RABGAP1L: variants seen among roughly 807,000 people sequenced by gnomAD.
RABGAP1L encodes rab GTPase-activating protein 1-like.
In RABGAP1L, 63 loss-of-function variants were observed where a neutral mutation model predicts 137.7. The ratio of observed to expected loss-of-function variants is 0.46; its 90% CI spans 0.37 to 0.56. The LOEUF is 0.56. RABGAP1L is among the 20% of genes least tolerant of loss of function. The pLI is 0.00. For synonymous variants in RABGAP1L, 431 were observed against 433.7 expected (o/e 0.99, Z 0.08); for missense variants, 1,095 against 1,244.0 (o/e 0.88, Z 1.80).
intron 13 of RABGAP1L, among the ~76,000 whole-genome samples, chr1:174,621,369 G>A (rs1262938117): frequency 2.0e-5 from 3 of 152,134 alleles, no homozygotes; most frequent in Admixed American, 2.0e-4. Flanking sequence ...AGTTCATATG[G>A]AACCAAAAAT....
At chr1:174,311,438 CT>C (rs1335043263) in intron 11 of RABGAP1L, among the ~76,000 whole-genome samples, 2 of 152,100 alleles carry the variant, frequency 1.3e-5, no homozygotes, top group African/African-American at 4.8e-5. Context: ...GATGCAAAGC[CT>C]AACCGTATCA....
At chr1:174,734,507 A>G (rs1682768936) in intron 17 of RABGAP1L, among the ~76,000 whole-genome samples, 1 of 152,198 alleles carries the variant, frequency 6.6e-6, no homozygotes, top group African/African-American at 2.4e-5. Context: ...GCAAGTTCTC[A>G]GGACAGCAAC....
intron 13 of RABGAP1L, among the ~76,000 whole-genome samples, chr1:174,399,479 TG>T (rs1648285440): frequency 6.6e-6 from 1 of 152,202 alleles, no homozygotes; most frequent in Non-Finnish European, 1.5e-5. Flanking sequence ...GGTTAGTTAA[TG>T]AAATGGTTCA....
intron 7 of RABGAP1L, among the ~76,000 whole-genome samples, chr1:174,267,992 A>G (rs919001900): frequency 6.6e-6 from 1 of 152,196 alleles, no homozygotes; most frequent in Non-Finnish European, 1.5e-5. Context: ...TCTTTTTAGT[A>G]AGGGAAATAA....
chr1:174,225,467 T>C (rs564033621), intron 3 of RABGAP1L, among the ~76,000 whole-genome samples: 1 of 151,746 alleles, frequency 6.6e-6, no homozygotes, highest in South Asian at 2.1e-4. Flanking sequence ...AGACTATTTC[T>C]TGTTAAAATC....
intron 13 of RABGAP1L, among the ~76,000 whole-genome samples, chr1:174,625,437 G>T (rs12067463): frequency 0.39 from 59,397 of 151,872 alleles, 14,647 homozygotes; most frequent in African/African-American, 0.7. Context: ...TAGTGTGTGT[G>T]TGTTTGTTTG....
chr1:174,733,069 T>C (rs1176028770), intron 17 of RABGAP1L, among the ~76,000 whole-genome samples: 2 of 152,052 alleles, frequency 1.3e-5, no homozygotes, highest in Non-Finnish European at 2.9e-5. Flanking sequence ...CTAAGTCATA[T>C]AGTTAGGAGG....
chr1:174,687,786 C>T (rs1439270398), intron 15 of RABGAP1L, among the ~76,000 whole-genome samples: 1 of 152,210 alleles, frequency 6.6e-6, no homozygotes, highest in Non-Finnish European at 1.5e-5. Context: ...CTTTTGGGTT[C>T]TGTCCTTTCC....
chr1:174,905,169 C>T (rs903435874), intron 19 of RABGAP1L, among the ~76,000 whole-genome samples: 1 of 152,130 alleles, frequency 6.6e-6, no homozygotes, highest in Admixed American at 6.6e-5. Context: ...CAAAACAAGC[C>T]AGACAGAAAA....
intron 13 of RABGAP1L, among the ~76,000 whole-genome samples, chr1:174,589,957 C>T (rs569965347): frequency 1.6e-4 from 25 of 152,136 alleles, no homozygotes; most frequent in Middle Eastern, 3.4e-3. Flanking sequence ...TTCATGGGTT[C>T]CATCAAAATT....
intron 13 of RABGAP1L, among the ~76,000 whole-genome samples, chr1:174,425,942 A>T (rs1240726631): frequency 6.6e-6 from 1 of 152,084 alleles, no homozygotes; most frequent in Non-Finnish European, 1.5e-5. Context: ...AGTTCAAAGG[A>T]TTTGAACTAT....
chr1:174,205,456 A>G (rs1476380811), intron 1 of RABGAP1L, among the ~76,000 whole-genome samples: 1 of 151,236 alleles, frequency 6.6e-6, no homozygotes, highest in Non-Finnish European at 1.5e-5. Context: ...TACTGATTCA[A>G]TTTTGGAGCT....
chr1:174,602,744 C>T (rs1670510968), intron 13 of RABGAP1L, among the ~76,000 whole-genome samples: 1 of 152,098 alleles, frequency 6.6e-6, no homozygotes, highest in African/African-American at 2.4e-5. Context: ...ATACATTCTT[C>T]AGTGTGTCCA....
Position 174,402,555 on chromosome 1 carries a change from G to A in RABGAP1L, c.1710+8410G>A, listed in dbSNP as rs1253424190. On this transcript the variant is annotated intron_variant, in intron 13 of 25. Coordinates refer to ENST00000681986, the MANE Select transcript of RABGAP1L (RefSeq NM_001366446.1). The stretch of plus-strand genomic sequence containing the variant: ...CTTGAGCCTTCAACCATTGTCTGTT[G>A]TTACATGATTCCTGCCACTGAGTTG... Among the ~76,000 whole-genome samples the A allele has an allele frequency of 2.0e-5, 3 of 152,146 alleles. No individual in the cohort carries two copies. In the East Asian group the frequency reaches 5.8e-4, roughly 29 times the overall value.
chr1:174,377,009 A>G (rs766905949), intron 12 of RABGAP1L, among the ~76,000 whole-genome samples: 1 of 152,206 alleles, frequency 6.6e-6, no homozygotes, highest in Non-Finnish European at 1.5e-5. Context: ...GAGTTTTACA[A>G]TGTTAAAAGA....
intron 11 of RABGAP1L, among the ~76,000 whole-genome samples, chr1:174,325,655 C>T (rs1184703401): frequency 6.6e-6 from 1 of 152,150 alleles, no homozygotes; most frequent in Non-Finnish European, 1.5e-5. Flanking sequence ...ATTTGGCTTC[C>T]CCACAATCCT....
At chr1:174,640,966 AATT>A (rs1674485864) in intron 14 of RABGAP1L, among the ~76,000 whole-genome samples, 1 of 111,908 alleles carries the variant, frequency 8.9e-6, no homozygotes, top group Non-Finnish European at 1.7e-5. Flanking sequence ...TATTATATTT[AATT>A]ATATTAATTA....
chr1:174,640,738 C>A (rs1440836540), intron 14 of RABGAP1L, among the ~76,000 whole-genome samples: 5 of 151,698 alleles, frequency 3.3e-5, no homozygotes, highest in Non-Finnish European at 5.9e-5. Context: ...AATCCTTATT[C>A]TTTTTCTATT....
rs532187331 is a variant in RABGAP1L, at chr1:174,207,135, C to T, written c.-33-11990C>T. Among the ~76,000 whole-genome samples the T allele has an allele frequency of 2.2e-4, 34 of 152,176 alleles. No individual in the cohort carries two copies. The South Asian group carries it at 6.8e-3, about 31-fold the overall frequency. On this transcript the variant is annotated intron_variant, in intron 1 of 25. Transcript: ENST00000681986. ...AGTGAAAATATTTATGCCTATATTT[C>T]CATTATTTTTTGCACCTGAAGAAAC... is the stretch of plus-strand genomic sequence containing the variant.
Sources: allele counts gnomAD v4.1 joint callset (sites outside exome capture counted in the v4.1 genomes callset), GRCh38; gene constraint gnomAD v4.1.1; transcripts MANE v1.5; gene names NCBI Gene and HGNC (gene_info 2026-07-23, HGNC 2026-07-21).